The following TBC1D8 variants were observed in gnomAD, a reference collection of about 807,000 sequenced individuals.
TBC1D8 encodes the protein TBC1 domain family member 8, also known as BUB2-like protein 1.
Under a neutral mutation model 118.8 loss-of-function variants are expected in TBC1D8, and 65 were observed. That is an observed-to-expected ratio of 0.55 (90% CI 0.45 to 0.67). TBC1D8 has a LOEUF of 0.67. Ranked by LOEUF, TBC1D8 falls within the 30% of genes least tolerant of loss-of-function variation. The probability of loss-of-function intolerance (pLI) is 0.00; values close to 1 mark genes in which losing one functional copy is unlikely to be tolerated. For synonymous variants in TBC1D8, 566 were observed against 595.8 expected (o/e 0.95, Z 0.73); for missense variants, 1,376 against 1,471.2 (o/e 0.94, Z 1.06).
At chr2:101,146,027 A>G (rs1019061171) in intron 1 of TBC1D8, among the ~76,000 whole-genome samples, 1 of 145,554 alleles carries the variant, frequency 6.9e-6, no homozygotes, top group African/African-American at 2.6e-5. Context: ...CCAGGTGCCA[A>G]GCACAATTAA....
chr2:101,050,929 G>A (rs1395542599), intron 4 of TBC1D8, among the ~76,000 whole-genome samples: 3 of 152,118 alleles, frequency 2.0e-5, no homozygotes, highest in African/African-American at 2.4e-5. Flanking sequence ...ACCCTCAAAT[G>A]GGTGCCTATG....
intron 10 of TBC1D8, 77 bp downstream of exon 10, chr2:101,033,467 T>G: frequency 6.4e-7 from 1 of 1,555,442 alleles, no homozygotes. Flanking sequence ...TGACTGGGAA[T>G]GCAAATGAAA....
Position 101,008,116 on chromosome 2 carries a change from T to C in TBC1D8, c.3173A>G (p.Glu1058Gly). Residue 1058 changes from glutamate to glycine, a missense_variant, in exon 20 of 20, where the codon GAG becomes GGG. Physicochemically the swap from Glu to Gly is moderately conservative, Grantham distance 98 (BLOSUM62 -2). Transcript: ENST00000409318. ...RGSSSGSCSQ[E>G]CGEELRASAP... Reference sequence around the variant, plus strand: ...TGAAGCCCGCAGCTCCTCCCCACACTCCTGGGAGCAGCTTCCAGAGCTGCT... The same window carrying C: ...TGAAGCCCGCAGCTCCTCCCCACACCCCTGGGAGCAGCTTCCAGAGCTGCT... 1 of 1,613,756 alleles carries C rather than the reference T, an allele frequency of 6.2e-7. No individual in the cohort carries two copies. The highest frequency in any genetic ancestry group is 1.1e-5 in the South Asian group (1 of 91,076).
chr2:101,041,751 A>G (rs1056668994), intron 5 of TBC1D8, among the ~76,000 whole-genome samples: 60 of 152,184 alleles, frequency 3.9e-4, no homozygotes, highest in Admixed American at 8.5e-4. Flanking sequence ...GCGGCCAGGC[A>G]CGGTGGCTCA....
In TBC1D8 at chr2:101,142,231, T is replaced by C. The variant is rs190858831; in HGVS notation, c.127+8896A>G. Among the ~76,000 whole-genome samples, 52 of 152,206 alleles carry C rather than the reference T, an allele frequency of 3.4e-4. No homozygotes were observed. The East Asian group carries it at 7.1e-3, about 21-fold the overall frequency. ...AACAATTTGGAATTATCTAGAAAGGTTGAAAATACACATAGCTATGACCCA... is the reference window on the plus strand; with the variant it reads ...AACAATTTGGAATTATCTAGAAAGGCTGAAAATACACATAGCTATGACCCA... On this transcript the variant is annotated intron_variant, in intron 1 of 19. Coordinates refer to ENST00000409318, the MANE Select transcript of TBC1D8 (RefSeq NM_001330348.2).
chr2:101,019,120 C>G, intron 17 of TBC1D8: 1 of 1,543,304 alleles, frequency 6.5e-7, no homozygotes, highest in Non-Finnish European at 8.8e-7. Flanking sequence ...CCTTTACAAC[C>G]AAGCTCACCG....
chr2:101,120,585 A>G lies in TBC1D8; in HGVS notation c.128-30221T>C, dbSNP rs75709425. Among the ~76,000 whole-genome samples the G allele has an allele frequency of 3.9e-5, 6 of 152,362 alleles. No individual in the cohort carries two copies. In the East Asian group the frequency reaches 1.2e-3, roughly 29 times the overall value. ...GGAAAACATAAAGTACAGGCAGGAA[A>G]AAGCCAGCCTACGTTTAGGAAGAAA... On this transcript the variant is annotated intron_variant, in intron 1 of 19. Transcript: ENST00000409318.
At chr2:101,092,639 C>G (rs984488017) in intron 1 of TBC1D8, among the ~76,000 whole-genome samples, 1 of 152,072 alleles carries the variant, frequency 6.6e-6, no homozygotes, top group African/African-American at 2.4e-5. Context: ...GTGGGAACCC[C>G]TTCAAGCAGG....
At chr2:101,023,247 C>T (rs2105378263) in intron 15 of TBC1D8, among the ~76,000 whole-genome samples, 1 of 152,008 alleles carries the variant, frequency 6.6e-6, no homozygotes, top group East Asian at 2.0e-4. Flanking sequence ...AAGGTTCAAA[C>T]CAGTCTCATG....
intron 2 of TBC1D8, among the ~76,000 whole-genome samples, chr2:101,069,115 TG>T (rs1421708073): frequency 1.3e-5 from 2 of 149,830 alleles, no homozygotes; most frequent in Non-Finnish European, 1.5e-5. Flanking sequence ...CTGGCCAATA[TG>T]GTGAAACCCC....
chr2:101,011,619 A>G (rs974993723), intron 17 of TBC1D8, 79 bp from the exon 18 acceptor site: 84 of 1,479,714 alleles, frequency 5.7e-5, no homozygotes, highest in Non-Finnish European at 7.9e-5. Flanking sequence ...TTTCTAGGCA[A>G]CTAAAGGCTA....
intron 2 of TBC1D8, among the ~76,000 whole-genome samples, chr2:101,063,549 G>A (rs1005058402): frequency 6.6e-6 from 1 of 152,284 alleles, no homozygotes; most frequent in East Asian, 1.9e-4. Flanking sequence ...CCAAATGGCA[G>A]GGAAATTTTC....
intron 1 of TBC1D8, chr2:101,110,028 A>C: frequency 2.0e-6 from 2 of 985,184 alleles, no homozygotes; most frequent in South Asian, 9.4e-5. Context: ...CGTCTCAGCG[A>C]GCACAACACT....
Position 101,038,443 on chromosome 2 carries a change from G to C in TBC1D8, c.1275+18C>G, listed in dbSNP as rs771165354. The C allele has an allele frequency of 6.2e-7, 1 of 1,610,796 alleles. No homozygotes were observed. Among genetic ancestry groups the C allele is most frequent in the Admixed American group, 1.7e-5 (1 of 59,980 alleles). The stretch of plus-strand genomic sequence containing the variant: ...GAGACATGAAGAAGGGGATCATCAG[G>C]GTCTGGAGGGACCATACCATGTCAT... On this transcript the variant is annotated intron_variant, in intron 7 of 19. Transcript: ENST00000409318.
chr2:101,082,226 C>A (rs975460045), intron 2 of TBC1D8, among the ~76,000 whole-genome samples: 1 of 152,226 alleles, frequency 6.6e-6, no homozygotes, highest in African/African-American at 2.4e-5. Context: ...GAGACATCGA[C>A]ATCTCACATA....
At chr2:101,118,225 CT>C (rs908626588) in intron 1 of TBC1D8, among the ~76,000 whole-genome samples, 4 of 151,274 alleles carry the variant, frequency 2.6e-5, no homozygotes, top group Admixed American at 6.6e-5. Context: ...GCTTTCAGTA[CT>C]TTTTTTTTCA....
In TBC1D8 at chr2:101,098,236, T is replaced by G. The variant is rs1001301455; in HGVS notation, c.128-7872A>C. On this transcript the variant is annotated intron_variant, in intron 1 of 19. Transcript: ENST00000409318. Reference sequence around the variant, plus strand: ...GGTGAAACCCCATTTCTATTAAAAATACAAAATTAGCCAGGTGTGGTGGCA... The same window carrying G: ...GGTGAAACCCCATTTCTATTAAAAAGACAAAATTAGCCAGGTGTGGTGGCA... Among the ~76,000 whole-genome samples the G allele has an allele frequency of 2.0e-5, 3 of 152,014 alleles. No homozygotes were observed. The East Asian group carries it at 5.8e-4, about 29-fold the overall frequency.
At chr2:101,033,514 T>A (rs1317025929) in intron 10 of TBC1D8, 30 bp downstream of exon 10, 4 of 1,612,658 alleles carry the variant, frequency 2.5e-6, no homozygotes, top group African/African-American at 1.3e-5. Flanking sequence ...AACTAAAGAC[T>A]CTCTGCGCCC....
chr2:101,060,470 T>C (rs528940090), intron 2 of TBC1D8, among the ~76,000 whole-genome samples: 1 of 152,352 alleles, frequency 6.6e-6, no homozygotes, highest in South Asian at 2.1e-4. Flanking sequence ...TTACGGTACA[T>C]GTTAAAATAG....
Sources: allele counts gnomAD v4.1 joint callset (sites outside exome capture counted in the v4.1 genomes callset), GRCh38; gene constraint gnomAD v4.1.1; transcripts MANE v1.5; gene names NCBI Gene and HGNC (gene_info 2026-07-23, HGNC 2026-07-21).